DENND11: variants seen among roughly 807,000 people sequenced by gnomAD.
DENND11 encodes the protein DENN domain containing 11, also known as DENN domain-containing protein 11.
In DENND11, 34 loss-of-function variants were observed where a neutral mutation model predicts 49.2. That is an observed-to-expected ratio of 0.69 (90% CI 0.53 to 0.92). The LOEUF is 0.92. Among genes scored for constraint, DENND11 ranks in the 40% least tolerant of loss-of-function variants. The probability of loss-of-function intolerance (pLI) is 0.00; values close to 1 mark genes in which losing one functional copy is unlikely to be tolerated. For missense variants in DENND11, 475 were observed against 581.6 expected (o/e 0.82, Z 1.88); for synonymous variants, 238 against 230.3 (o/e 1.03, Z -0.30).
At chr7:141,673,797 T>G (rs981164170) in intron 4 of DENND11, among the ~76,000 whole-genome samples, 10 of 152,154 alleles carry the variant, frequency 6.6e-5, no homozygotes, top group African/African-American at 1.9e-4. Context: ...TCAGAAGCAA[T>G]CAACAGAATT....
At chr7:141,679,215 A>G (rs1295820353) in intron 3 of DENND11, among the ~76,000 whole-genome samples, 1 of 152,216 alleles carries the variant, frequency 6.6e-6, no homozygotes, top group Non-Finnish European at 1.5e-5. Context: ...TATGTTACCT[A>G]TAGCCCTCTT....
At position 141,676,813 on chromosome 7, in the gene DENND11, T is replaced by C. The variant is rs371646107; in HGVS notation, c.528-2593A>G. On this transcript the variant is annotated intron_variant, in intron 3 of 8. Transcript: ENST00000536163. Reference sequence around the variant, plus strand: ...GAACTTACCTACAAGAATGCAGAAATTGAGAAACCACCACACCGAAATGCA... The same window carrying C: ...GAACTTACCTACAAGAATGCAGAAACTGAGAAACCACCACACCGAAATGCA... Among the ~76,000 whole-genome samples, 12 of 152,260 alleles carry C rather than the reference T, an allele frequency of 7.9e-5. 1 individual carries two copies. The highest frequency in any genetic ancestry group is 2.6e-4 in the African/African-American group (11 of 41,534).
chr7:141,693,262 TTTTCATATGCTCA>T, intron 1 of DENND11, among the ~76,000 whole-genome samples: 1 of 152,328 alleles, frequency 6.6e-6, no homozygotes, highest in East Asian at 1.9e-4. Flanking sequence ...GTTGACTATT[TTTTCATATGCTCA>T]TTACGCAATT....
At chr7:141,665,928 A>G (rs753577169) in intron 5 of DENND11, among the ~76,000 whole-genome samples, 2 of 151,270 alleles carry the variant, frequency 1.3e-5, no homozygotes, top group African/African-American at 4.9e-5. Context: ...TCCGTCCCCC[A>G]TCTGGTGGCC....
chr7:141,674,483 AACAG>A (rs780532934), intron 3 of DENND11, among the ~76,000 whole-genome samples: 13 of 152,216 alleles, frequency 8.5e-5, no homozygotes, highest in Non-Finnish European at 1.3e-4. Context: ...TCTCATGGGA[AACAG>A]ACAGAATTAA....
rs578259915 is a variant in DENND11 at position 141,659,890 on chromosome 7, A to G, written c.*2766T>C. The G allele has an allele frequency of 3.9e-5, 6 of 152,338 alleles. No homozygotes were observed. The East Asian group carries it at 9.6e-4, about 24-fold the overall frequency. 9.4% of individuals were successfully genotyped at this position (152,338 alleles called of 1,614,324 possible). ...GATGTTCAGCACTTTCTTCTGAACAAAAGCAGATGGTTTCTCAGAAAATAT... is the reference window on the plus strand; with the variant it reads ...GATGTTCAGCACTTTCTTCTGAACAGAAGCAGATGGTTTCTCAGAAAATAT... On this transcript the variant is annotated 3_prime_UTR_variant, in exon 9 of 9. Coordinates refer to ENST00000536163, the MANE Select transcript of DENND11 (RefSeq NM_001080392.2).
intron 1 of DENND11, among the ~76,000 whole-genome samples, chr7:141,696,899 G>C (rs901911653): frequency 1.3e-5 from 2 of 152,218 alleles, no homozygotes; most frequent in Admixed American, 6.5e-5. Context: ...CCTAGTCTGA[G>C]AGCACATCCA....
intron 3 of DENND11, among the ~76,000 whole-genome samples, chr7:141,676,904 C>G (rs1798067103): frequency 6.6e-6 from 1 of 152,100 alleles, no homozygotes; most frequent in African/African-American, 2.4e-5. Context: ...ATAACCGGCT[C>G]AATATATATT....
chr7:141,666,151 C>G, intron 5 of DENND11, 136 bp downstream of exon 5: 1 of 848,524 alleles, frequency 1.2e-6, no homozygotes, highest in Non-Finnish European at 1.7e-6. Flanking sequence ...CACAGCCAAT[C>G]AGTTCACTCC....
chr7:141,685,359 G>A, intron 3 of DENND11, 119 bp downstream of exon 3: 1 of 1,266,914 alleles, frequency 7.9e-7, no homozygotes, highest in Non-Finnish European at 1.1e-6. Flanking sequence ...CATCGCCATG[G>A]ATGTTCTTGG....
chr7:141,692,771 G>A (rs1416497795), intron 1 of DENND11, among the ~76,000 whole-genome samples: 2 of 152,076 alleles, frequency 1.3e-5, no homozygotes, highest in Non-Finnish European at 2.9e-5. Context: ...CTTGAGCCCA[G>A]GAGTTCAAGG....
chr7:141,670,141 T>C (rs552849544), intron 4 of DENND11, among the ~76,000 whole-genome samples: 2 of 152,320 alleles, frequency 1.3e-5, no homozygotes, highest in African/African-American at 2.4e-5. Context: ...ACTGTCATTT[T>C]TTTTTCCTGG....
chr7:141,669,809 A>AT (rs72053527), intron 4 of DENND11, among the ~76,000 whole-genome samples: 16,944 of 115,660 alleles, frequency 0.15, 1,948 homozygotes, highest in Non-Finnish European at 0.17. Context: ...CATACATGCT[A>AT]TTTTTTTTTT....
At chr7:141,690,147 T>C (rs1269156348) in intron 1 of DENND11, among the ~76,000 whole-genome samples, 1 of 152,364 alleles carries the variant, frequency 6.6e-6, no homozygotes, top group East Asian at 1.9e-4. Context: ...GTCCACTGCA[T>C]AGCTGCTTCT....
At chr7:141,665,731 G>A (rs1025932385) in intron 5 of DENND11, among the ~76,000 whole-genome samples, 1 of 151,918 alleles carries the variant, frequency 6.6e-6, no homozygotes, top group Non-Finnish European at 1.5e-5. Flanking sequence ...CCCAGGTAAC[G>A]CTGTCCATCC....
chr7:141,697,844 A>T (rs948264322), intron 1 of DENND11, among the ~76,000 whole-genome samples: 1 of 152,244 alleles, frequency 6.6e-6, no homozygotes, highest in Non-Finnish European at 1.5e-5. Context: ...TGACATAAAC[A>T]TAGAAGCGCT....
rs563328189 is a variant in DENND11 at position 141,661,762 on chromosome 7, G to C, written c.*894C>G. The C allele has an allele frequency of 8.3e-4, 127 of 152,298 alleles. 1 individual carries two copies. Among genetic ancestry groups the C allele is most frequent in the African/African-American group, 2.9e-3 (121 of 41,564 alleles). The allele number at this position is 152,298 out of a possible 1,614,324, so 9.4% of individuals were successfully genotyped here. On this transcript the variant is annotated 3_prime_UTR_variant, in exon 9 of 9. Transcript: ENST00000536163. ...AGACTTAGAGTGGCTTCTCCATCCTGCTCGAACTTCAATTGCTCTATCCTC... is the reference window on the plus strand; with the variant it reads ...AGACTTAGAGTGGCTTCTCCATCCTCCTCGAACTTCAATTGCTCTATCCTC...
intron 1 of DENND11, among the ~76,000 whole-genome samples, chr7:141,690,311 A>T (rs1798307066): frequency 6.6e-6 from 1 of 152,142 alleles, no homozygotes; most frequent in Admixed American, 6.5e-5. Context: ...GGACACCCAC[A>T]TCACCAAAGC....
chr7:141,684,212 C>T (rs1276534668), intron 3 of DENND11, among the ~76,000 whole-genome samples: 3 of 152,218 alleles, frequency 2.0e-5, no homozygotes, highest in African/African-American at 7.2e-5. Flanking sequence ...GCTGGGATTA[C>T]AGGCGTGAGC....
Sources: allele counts gnomAD v4.1 joint callset (sites outside exome capture counted in the v4.1 genomes callset), GRCh38; gene constraint gnomAD v4.1.1; transcripts MANE v1.5; gene names NCBI Gene and HGNC (gene_info 2026-07-23, HGNC 2026-07-21).